WT1: variants seen among roughly 807,000 people sequenced by gnomAD.
WT1 encodes WT1 transcription factor.
A neutral mutation model predicts 60.8 loss-of-function variants in WT1; 8 were observed. The observed-to-expected ratio is 0.13, with a 90% confidence interval of 0.08 to 0.24. The LOEUF (loss-of-function observed/expected upper bound fraction) is 0.24. Among genes scored for constraint, WT1 ranks in the 10% least tolerant of loss-of-function variants. The pLI is 1.00. For missense variants in WT1, 568 were observed against 711.8 expected, an observed-to-expected ratio of 0.80 and a Z score of 2.30; for synonymous variants, 312 against 297.1, an observed-to-expected ratio of 1.05 and a Z score of -0.52.
intron 1 of WT1, among the ~76,000 whole-genome samples, chr11:32,429,967 C>A (rs1172886125): frequency 1.4e-5 from 2 of 142,308 alleles, no homozygotes; most frequent in East Asian, 2.1e-4. Flanking sequence ...CACACCACCA[C>A]CCCCCGCCCA....
intron 1 of WT1, chr11:32,430,455 G>GGAGAGA (rs529663782): frequency 0.024 from 21,049 of 889,008 alleles, 190 homozygotes; most frequent in Non-Finnish European, 0.027. Context: ...AGAGAGGGAG[G>GGAGAGA]GAGAGAGAGA....
At position 32,435,164 on chromosome 11, in the gene WT1, G is replaced by C. The variant is rs1341675324; in HGVS notation, c.197C>G (p.Ala66Gly). The change falls in exon 1 of 10, where the codon GCG (alanine) becomes GGG (glycine). Residue 66 changes from alanine to glycine, a missense_variant. Ala to Gly is a moderately conservative substitution (Grantham distance 60, BLOSUM62 0). This residue lies in a region of WT1 where 523 missense variants were observed against 565.1 expected (regional missense o/e 0.93). Transcript: ENST00000452863. ...CATTTGCTGCGGCTCAGACCCGGACGCCCCGCGGCTCCTCCGGCCCTGGAG... is the reference window on the plus strand; with the variant it reads ...CATTTGCTGCGGCTCAGACCCGGACCCCCCGCGGCTCCTCCGGCCCTGGAG... 6.6e-7 allele frequency: 1 copy of C among 1,520,410 alleles called. No homozygotes were observed. 94.2% of individuals were successfully genotyped at this position (1,520,410 alleles called of 1,614,324 possible). A position where few individuals can be genotyped will look rare whatever the true frequency, so the allele number is the denominator to read the frequency against.
intron 3 of WT1, among the ~76,000 whole-genome samples, chr11:32,425,825 A>G (rs1439746387): frequency 6.6e-6 from 1 of 152,264 alleles, no homozygotes; most frequent in Non-Finnish European, 1.5e-5. Context: ...GAAGATAGAA[A>G]TAAACAAATA....
At chr11:32,430,405 A>G in intron 1 of WT1, 1 of 1,241,606 alleles carries the variant, frequency 8.1e-7, no homozygotes, top group Non-Finnish European at 1.1e-6. Flanking sequence ...GACACTAAAA[A>G]GAGAGAGAGA....
At chr11:32,420,392 T>C (rs367857851) in intron 3 of WT1, among the ~76,000 whole-genome samples, 4 of 152,296 alleles carry the variant, frequency 2.6e-5, no homozygotes, top group African/African-American at 9.6e-5. Flanking sequence ...TACAGAAATG[T>C]TGTGAGGCCC....
Position 32,434,791 on chromosome 11 carries a change from G to C in WT1, c.570C>G (p.Pro190=), listed in dbSNP as rs1853438761. Residue 190 remains proline, a synonymous_variant, in exon 1 of 10, where the codon CCC becomes CCG. Transcript: ENST00000452863. ...TGGCCTGGCCGGATGACGCCTGGCTGGGCGGAGGAGGACCGAAGGGCCCGT... is the reference window on the plus strand; with the variant it reads ...TGGCCTGGCCGGATGACGCCTGGCTCGGCGGAGGAGGACCGAAGGGCCCGT... 6.2e-7 allele frequency: 1 copy of C among 1,612,620 alleles called. No homozygotes were observed. Among genetic ancestry groups the C allele is most frequent in the Non-Finnish European group, 8.5e-7 (1 of 1,179,800 alleles).
intron 4 of WT1, 142 bp from the exon 5 acceptor site, chr11:32,416,682 A>C: frequency 3.8e-6 from 4 of 1,064,092 alleles, no homozygotes; most frequent in Non-Finnish European, 5.8e-6. Flanking sequence ...CTAAGTCCCC[A>C]GTCCCACTGG....
intron 3 of WT1, among the ~76,000 whole-genome samples, chr11:32,421,376 G>T (rs1251175191): frequency 1.3e-5 from 2 of 152,246 alleles, no homozygotes; most frequent in African/African-American, 4.8e-5. Flanking sequence ...CTGTGGTCAC[G>T]TAGGCATTTC....
chr11:32,395,708 C>T (rs531086465), intron 7 of WT1, among the ~76,000 whole-genome samples: 11 of 152,188 alleles, frequency 7.2e-5, no homozygotes, highest in African/African-American at 2.6e-4. Context: ...GTGATCCACC[C>T]ACTTCGGCCT....
chr11:32,414,533 C>T (rs1296853431), intron 5 of WT1, among the ~76,000 whole-genome samples: 6 of 152,194 alleles, frequency 3.9e-5, no homozygotes, highest in Admixed American at 6.5e-5. Flanking sequence ...CCTCAGCCTC[C>T]CAAAGTGCTG....
Position 32,434,949 on chromosome 11 carries a change from G to A in WT1, c.412C>T (p.Pro138Ser), listed in dbSNP as rs544477985. ...TTGATGAAGGAGTGAGGCGGCGGCGGCGGGGGTGGCGGCGGAGCCGGTGGC... is the reference window on the plus strand; with the variant it reads ...TTGATGAAGGAGTGAGGCGGCGGCGACGGGGGTGGCGGCGGAGCCGGTGGC... The change falls in exon 1 of 10, where the codon CCG becomes TCG. Residue 138 changes from proline (P) to serine (S), a missense_variant. Around this residue, in one of 3 missense-constraint regions of WT1, gnomAD observed 523 missense variants for 565.1 expected, o/e 0.93. Transcript: ENST00000452863. 1.9e-6 allele frequency: 3 copies of A among 1,568,162 alleles called. No homozygotes were observed. Among genetic ancestry groups the A allele is most frequent in the African/African-American group, 2.7e-5 (2 of 74,176 alleles).
At chr11:32,420,761 C>G in intron 3 of WT1, among the ~76,000 whole-genome samples, 1 of 152,172 alleles carries the variant, frequency 6.6e-6, no homozygotes, top group East Asian at 1.9e-4. Context: ...ATGACCTACT[C>G]AGTCTCTAGA....
chr11:32,399,019 G>A (rs185735485), intron 6 of WT1, among the ~76,000 whole-genome samples: 5 of 151,740 alleles, frequency 3.3e-5, no homozygotes, highest in Admixed American at 1.3e-4. Context: ...AGCCAGGCGT[G>A]GTGGTGGGCA....
At chr11:32,412,929 C>T (rs1394174127) in intron 5 of WT1, among the ~76,000 whole-genome samples, 3 of 152,022 alleles carry the variant, frequency 2.0e-5, no homozygotes, top group Non-Finnish European at 4.4e-5. Context: ...ACCTCTAACA[C>T]AGCAAGTTTT....
chr11:32,391,866 C>A, intron 9 of WT1, 106 bp downstream of exon 9: 2 of 1,177,306 alleles, frequency 1.7e-6, no homozygotes, highest in Non-Finnish European at 1.3e-6. Context: ...TGAGTCTAAA[C>A]CTTAGAACTT....
At chr11:32,422,185 C>A (rs987188118) in intron 3 of WT1, among the ~76,000 whole-genome samples, 1 of 152,192 alleles carries the variant, frequency 6.6e-6, no homozygotes, top group Non-Finnish European at 1.5e-5. Flanking sequence ...GCCCAGCAGG[C>A]CATAATGAAT....
intron 9 of WT1, among the ~76,000 whole-genome samples, chr11:32,390,175 G>A (rs1400075858): frequency 6.6e-6 from 1 of 152,192 alleles, no homozygotes; most frequent in Non-Finnish European, 1.5e-5. Context: ...TCTTAAGGAA[G>A]AATGCACAGA....
At position 32,416,541 on chromosome 11, in the gene WT1, C is replaced by T. The variant is rs773989805; in HGVS notation, c.966-1G>A. On this transcript the variant is annotated splice_acceptor_variant, in intron 4 of 9. Transcript: ENST00000452863. LOFTEE classifies it high-confidence loss of function. ...TGAGCTGGAGCTCCCAGCAGCAACT[C>T]TAGAAAAGAAGAAGAGGTGGGGAGT... is the stretch of plus-strand genomic sequence containing the variant. 6.2e-7 allele frequency: 1 copy of T among 1,613,934 alleles called. No homozygotes were observed. The highest frequency in any genetic ancestry group is 2.2e-5 in the East Asian group (1 of 44,874).
chr11:32,405,597 G>A (rs1852284545), intron 5 of WT1, among the ~76,000 whole-genome samples: 1 of 149,378 alleles, frequency 6.7e-6, no homozygotes. Flanking sequence ...AGAACCCTAG[G>A]AGTCATTCAT....
Sources: gnomAD v4.1 joint callset for allele counts (sites outside exome capture counted in the v4.1 genomes callset) on GRCh38, gnomAD v4.1.1 for gene constraint, gnomAD v4.1.1 regional missense constraint, MANE v1.5 for transcripts, NCBI Gene and HGNC (gene_info 2026-07-23, HGNC 2026-07-21) for gene names.